LIX1L: variants seen among roughly 807,000 people sequenced by gnomAD.
LIX1L encodes LIX1-like protein.
In LIX1L, 20 loss-of-function variants were observed where a neutral mutation model predicts 34.0. That is an observed-to-expected ratio of 0.59 (90% CI 0.41 to 0.85). The LOEUF is 0.85. LIX1L is among the 40% of genes least tolerant of loss of function. The pLI is 0.00. For missense variants in LIX1L, 397 were observed against 447.0 expected (o/e 0.89, Z 1.01); for synonymous variants, 170 against 187.4 (o/e 0.91, Z 0.76).
At chr1:145,940,638 C>T (rs1648875705) in intron 3 of LIX1L, among the ~76,000 whole-genome samples, 2 of 148,866 alleles carry the variant, frequency 1.3e-5, no homozygotes, top group Non-Finnish European at 1.5e-5. Context: ...GCAACCTCTG[C>T]CTTCCAGGTT....
intron 2 of LIX1L, among the ~76,000 whole-genome samples, chr1:145,943,407 A>G (rs1648993391): frequency 1.3e-5 from 2 of 152,166 alleles, no homozygotes; most frequent in Admixed American, 1.3e-4. Flanking sequence ...GAGCCAAAGG[A>G]GCTATCCCTG....
At chr1:145,945,754 A>AC (rs1649079738) in intron 2 of LIX1L, among the ~76,000 whole-genome samples, 3 of 149,988 alleles carry the variant, frequency 2.0e-5, no homozygotes, top group South Asian at 2.1e-4. Context: ...ATCTCAAAAA[A>AC]AAAAAAAAAA....
chr1:145,936,125 A>G lies in LIX1L; in HGVS notation c.*185T>C, dbSNP rs1648630455. 11 of 657,094 alleles carry G rather than the reference A, an allele frequency of 1.7e-5. No individual in the cohort carries two copies. The highest frequency in any genetic ancestry group is 2.7e-5 in the Non-Finnish European group (11 of 404,344). The allele number at this position is 657,094 out of a possible 1,614,324, so 40.7% of individuals were successfully genotyped here. On this transcript the variant is annotated 3_prime_UTR_variant, in exon 6 of 6. Transcript: ENST00000604000. ...CTGAAGATGTTTCAAATAAAACTAC[A>G]TCCAAAAACTGGTAGTAAGAAAAGG...
rs138004665 is a variant in LIX1L at position 145,949,972 on chromosome 1, C to T, written c.293-2190G>A. Reference sequence around the variant, plus strand: ...CTGGGACCACAGGTGCATGCCACCACGCCCGTCTAATTTTTGTAATTTTTG... The same window carrying T: ...CTGGGACCACAGGTGCATGCCACCATGCCCGTCTAATTTTTGTAATTTTTG... On this transcript the variant is annotated intron_variant, in intron 1 of 5. Transcript: ENST00000604000. 4.3e-3 allele frequency among the ~76,000 whole-genome samples: 654 copies of T among 152,074 alleles called. 5 individuals carry two copies. Among genetic ancestry groups the T allele is most frequent in the African/African-American group, 0.013 (535 of 41,478 alleles).
intron 1 of LIX1L, among the ~76,000 whole-genome samples, chr1:145,955,626 G>C (rs1305656310): frequency 1.3e-5 from 2 of 152,186 alleles, no homozygotes; most frequent in Non-Finnish European, 2.9e-5. Flanking sequence ...GATTCCATGT[G>C]GTAAAGGACT....
chr1:145,937,477 G>T (rs1292172010), intron 4 of LIX1L, 127 bp downstream of exon 4: 14 of 616,074 alleles, frequency 2.3e-5, no homozygotes, highest in Non-Finnish European at 3.2e-5. Context: ...ATTTATTTTT[G>T]AAAAATAGTG....
chr1:145,957,832 C>A lies in LIX1L; in HGVS notation c.96G>T (p.Ala32=), dbSNP rs782347425. 7.1e-7 allele frequency: 1 copy of A among 1,404,510 alleles called. No homozygotes were observed. The highest frequency in any genetic ancestry group is 3.0e-5 in the East Asian group (1 of 32,806). 87.0% of individuals were successfully genotyped at this position (1,404,510 alleles called of 1,614,324 possible). ...CCGCAGGGGGTGTGGCGGTGGCGGC[C>A]GCGGCCCCAGTCACTCCGGGCCGCA... ...RALRPGVTGA[A]AATATPPAGP... The change falls in exon 1 of 6, where the codon GCG becomes GCT. Residue 32 remains alanine (A), a synonymous_variant. Transcript: ENST00000604000.
In LIX1L at chr1:145,936,500, T is replaced by C. The variant is rs782668967; in HGVS notation, c.824A>G (p.Gln275Arg). The change falls in exon 6 of 6, where the codon CAA becomes CGA. Residue 275 changes from glutamine (Q) to arginine (R), a missense_variant. Physicochemically the swap from Gln to Arg is conservative, Grantham distance 43 (BLOSUM62 1). Around this residue, in one of 3 missense-constraint regions of LIX1L, gnomAD observed 174 missense variants for 204.0 expected, o/e 0.85. Transcript: ENST00000604000. ...CCGGCTCACCCAGTCCAAGGCCATT[T>C]GGTGGCGAATATCATCATCCAGGGC... is the stretch of plus-strand genomic sequence containing the variant. Reference protein sequence around the residue: ...HRALDDDIRHQMALDWVSREQ... With the variant: ...HRALDDDIRHRMALDWVSREQ... The C allele has an allele frequency of 2.5e-6, 4 of 1,614,076 alleles. No individual in the cohort carries two copies. The Admixed American group carries it at 6.7e-5, about 27-fold the overall frequency.
chr1:145,937,463 A>G (rs1648703409), intron 4 of LIX1L, 141 bp downstream of exon 4: 1 of 588,136 alleles, frequency 1.7e-6, no homozygotes, highest in Non-Finnish European at 3.1e-6. Context: ...CCAGCCAGGA[A>G]GGTATTTATT....
intron 2 of LIX1L, 177 bp downstream of exon 2, chr1:145,947,442 C>CAG (rs1175151763): frequency 1.6e-6 from 1 of 628,738 alleles, no homozygotes; most frequent in African/African-American, 1.8e-5. Context: ...GGAAAGCATG[C>CAG]TACTGAGGTT....
At chr1:145,940,550 C>CTT (rs60579602) in intron 3 of LIX1L, among the ~76,000 whole-genome samples, 57 of 118,864 alleles carry the variant, frequency 4.8e-4, no homozygotes, top group South Asian at 1.6e-3. Flanking sequence ...CCTTTTCTTT[C>CTT]TTTTTTTTTT....
chr1:145,954,976 G>A (rs1470160980), intron 1 of LIX1L, among the ~76,000 whole-genome samples: 1 of 152,190 alleles, frequency 6.6e-6, no homozygotes, highest in African/African-American at 2.4e-5. Flanking sequence ...TTTGTATTGG[G>A]CTGGCCTGCT....
chr1:145,943,503 G>A (rs781918004), intron 2 of LIX1L, among the ~76,000 whole-genome samples: 23 of 152,114 alleles, frequency 1.5e-4, no homozygotes, highest in Non-Finnish European at 2.6e-4. Flanking sequence ...ACTAAGGGAA[G>A]GAAAGCTGAC....
At chr1:145,945,763 A>G (rs868930400) in intron 2 of LIX1L, among the ~76,000 whole-genome samples, 19 of 144,200 alleles carry the variant, frequency 1.3e-4, no homozygotes, top group Admixed American at 5.6e-4. Context: ...AAAAAAAAAA[A>G]AAGAAGAAGG....
At chr1:145,952,974 C>T (rs1218970538) in intron 1 of LIX1L, among the ~76,000 whole-genome samples, 3 of 151,894 alleles carry the variant, frequency 2.0e-5, no homozygotes, top group Admixed American at 6.6e-5. Flanking sequence ...TTCAGTGGCA[C>T]AATCACACCT....
Position 145,948,354 on chromosome 1 carries a change from C to T in LIX1L, c.293-572G>A, listed in dbSNP as rs1553759466. Among the ~76,000 whole-genome samples, 1 of 152,174 alleles carries T rather than the reference C, an allele frequency of 6.6e-6. No individual in the cohort carries two copies. The highest frequency in any genetic ancestry group is 1.5e-5 in the Non-Finnish European group (1 of 68,046). The stretch of plus-strand genomic sequence containing the variant: ...GTACAGAGAAGTTAAATAACTTGCC[C>T]AAGGTTATGCCAGGAGAAAGTAGCA... On this transcript the variant is annotated intron_variant, in intron 1 of 5. Coordinates refer to ENST00000604000, the MANE Select transcript of LIX1L (RefSeq NM_153713.3). The surrounding 1 kb of genome is among the most constrained non-coding windows in gnomAD (Gnocchi z 4.0).
In LIX1L at chr1:145,934,573, C is replaced by CAA. The variant is rs59900662; in HGVS notation, c.*1735_*1736dup. Reference sequence around the variant, plus strand: ...TGGGCGACAGAGCGAGACTCCGTCTCAAAAAAAAAAAAAACACACAAATAG... The same window carrying CAA: ...TGGGCGACAGAGCGAGACTCCGTCTCAAAAAAAAAAAAAAAACACACAAATAG... On this transcript the variant is annotated 3_prime_UTR_variant, in exon 6 of 6. Coordinates refer to ENST00000604000, the MANE Select transcript of LIX1L (RefSeq NM_153713.3). 3.0e-3 allele frequency: 307 copies of CAA among 102,674 alleles called. 3 individuals are homozygous for CAA. Among genetic ancestry groups the CAA allele is most frequent in the Middle Eastern group, 6.3e-3 (1 of 158 alleles). 6.4% of individuals were successfully genotyped at this position (102,674 alleles called of 1,614,324 possible). A position where few individuals can be genotyped will look rare whatever the true frequency, so the allele number is the denominator to read the frequency against.
intron 5 of LIX1L, 175 bp from the exon 6 acceptor site, chr1:145,936,727 G>A (rs1553757866): frequency 3.6e-6 from 3 of 832,636 alleles, no homozygotes; most frequent in Non-Finnish European, 5.7e-6. Flanking sequence ...ATAGACAAAA[G>A]AATCACAGCT....
chr1:145,948,115 A>G lies in LIX1L; in HGVS notation c.293-333T>C, dbSNP rs147306132. ...TTAAATATTGAAGGCAGAGTTCCCA[A>G]TGTCAGCAGACCATTATCACTGCCT... On this transcript the variant is annotated intron_variant, in intron 1 of 5. Transcript: ENST00000604000. The surrounding 1 kb of genome is among the most constrained non-coding windows in gnomAD (Gnocchi z 4.0). 2.0e-5 allele frequency among the ~76,000 whole-genome samples: 3 copies of G among 152,292 alleles called. No individual in the cohort carries two copies. The highest frequency in any genetic ancestry group is 4.4e-5 in the Non-Finnish European group (3 of 68,028).
Sources: gnomAD v4.1 joint callset for allele counts (sites outside exome capture counted in the v4.1 genomes callset) on GRCh38, gnomAD v4.1.1 for gene constraint, gnomAD v4.1.1 regional missense constraint, Gnocchi (gnomAD v3.1) non-coding constraint, MANE v1.5 for transcripts, NCBI Gene and HGNC (gene_info 2026-07-23, HGNC 2026-07-21) for gene names.